Variants in CEP83 observed in about 807,000 individuals in gnomAD.
CEP83 encodes the protein centrosomal protein 83, also known as centrosomal protein of 83 kDa.
CEP83 carries 70 observed loss-of-function variants against 101.9 expected under a neutral mutation model. The ratio of observed to expected loss-of-function variants is 0.69; its 90% CI spans 0.57 to 0.84. The LOEUF is 0.84. CEP83 is among the 40% of genes least tolerant of loss of function. The probability of loss-of-function intolerance (pLI) is 0.00; values close to 1 mark genes in which losing one functional copy is unlikely to be tolerated. For missense variants in CEP83, 715 were observed against 787.2 expected, an observed-to-expected ratio of 0.91 and a Z score of 1.10; for synonymous variants, 264 against 267.9, an observed-to-expected ratio of 0.99 and a Z score of 0.14.
chr12:94,342,982 C>T lies in CEP83; in HGVS notation c.1344-7318G>A, dbSNP rs114084224. ...AGACTTTAATATATCATTCTTTGTACAAGACAAATCAAGTGGACAAAAAAT... is the reference window on the plus strand; with the variant it reads ...AGACTTTAATATATCATTCTTTGTATAAGACAAATCAAGTGGACAAAAAAT... On this transcript the variant is annotated intron_variant, in intron 11 of 16. Coordinates refer to ENST00000397809, the MANE Select transcript of CEP83 (RefSeq NM_016122.3). 2.3e-3 allele frequency among the ~76,000 whole-genome samples: 344 copies of T among 151,982 alleles called. 1 individual carries two copies. The highest frequency in any genetic ancestry group is 8.0e-3 in the African/African-American group (333 of 41,472).
At chr12:94,405,933 G>A (rs1311153058) in intron 4 of CEP83, among the ~76,000 whole-genome samples, 3 of 152,190 alleles carry the variant, frequency 2.0e-5, no homozygotes, top group Admixed American at 6.5e-5. Context: ...TAACACATGT[G>A]TGCAAGGAAA....
intron 11 of CEP83, among the ~76,000 whole-genome samples, chr12:94,366,973 G>GA (rs2061056720): frequency 6.6e-6 from 1 of 151,942 alleles, no homozygotes. Flanking sequence ...ATAATCTATA[G>GA]AAAAAATATG....
chr12:94,436,825 T>TA (rs2066022716), intron 1 of CEP83, among the ~76,000 whole-genome samples: 1 of 99,548 alleles, frequency 1.0e-5, no homozygotes, highest in South Asian at 3.0e-4. Flanking sequence ...AGACTCCATC[T>TA]CAAAAAAAAA....
chr12:94,319,927 G>C (rs970680053), intron 14 of CEP83, among the ~76,000 whole-genome samples: 1 of 152,068 alleles, frequency 6.6e-6, no homozygotes, highest in Admixed American at 6.6e-5. Context: ...CTTCCTCAAG[G>C]ATTTAATACT....
intron 11 of CEP83, among the ~76,000 whole-genome samples, chr12:94,348,764 G>A (rs2060063710): frequency 6.6e-6 from 1 of 152,142 alleles, no homozygotes; most frequent in Non-Finnish European, 1.5e-5. Context: ...AATGCCCGCA[G>A]CCGGCACTGA....
chr12:94,450,488 G>A (rs1250622218), intron 1 of CEP83, among the ~76,000 whole-genome samples: 1 of 152,154 alleles, frequency 6.6e-6, no homozygotes, highest in African/African-American at 2.4e-5. Flanking sequence ...TCCTGACCTC[G>A]TGATCCACCT....
intron 10 of CEP83, 52 bp downstream of exon 10, chr12:94,368,005 T>C (rs2061107129): frequency 2.5e-6 from 4 of 1,601,810 alleles, no homozygotes; most frequent in African/African-American, 2.7e-5. Flanking sequence ...GACAGCAAAA[T>C]GTTTTCATTT....
chr12:94,278,393 T>C, the CEP83 span, among the ~76,000 whole-genome samples: 1 of 152,240 alleles, frequency 6.6e-6, no homozygotes, highest in Non-Finnish European at 1.5e-5. Flanking sequence ...ATCTATTTGT[T>C]CTTAGACAAA....
chr12:94,379,068 A>G, intron 6 of CEP83, 26 bp from the exon 7 acceptor site: 1 of 1,544,574 alleles, frequency 6.5e-7, no homozygotes, highest in Non-Finnish European at 8.8e-7. Flanking sequence ...AAGAAAGCAT[A>G]CAAGGTTAAA....
intron 2 of CEP83, among the ~76,000 whole-genome samples, chr12:94,429,965 A>G (rs184099719): frequency 5.3e-5 from 8 of 152,326 alleles, no homozygotes; most frequent in African/African-American, 1.7e-4. Flanking sequence ...TGCAGCACAG[A>G]CACTGCCTCT....
In CEP83 at chr12:94,375,923, T is replaced by C. The variant is rs751492070; in HGVS notation, c.896A>G (p.His299Arg). The C allele has an allele frequency of 9.8e-6, 15 of 1,525,816 alleles. No homozygotes were observed. Among genetic ancestry groups the C allele is most frequent in the African/African-American group, 1.4e-5 (1 of 72,538 alleles). 94.5% of individuals were successfully genotyped at this position (1,525,816 alleles called of 1,614,324 possible). ...EQNTFLINKLHKAEREINTLS... is the reference protein window; with the variant it reads ...EQNTFLINKLRKAEREINTLS... ...TGTATTTATTTCTCGTTCAGCTTTA[T>C]GCAATTTATTAATTAAAAAGGTATT... The change falls in exon 8 of 17, where the codon CAT becomes CGT. Residue 299 changes from histidine (H) to arginine (R), a missense_variant. Transcript: ENST00000397809.
intron 10 of CEP83, 27 bp from the exon 11 acceptor site, chr12:94,367,970 A>G (rs755525354): frequency 9.9e-6 from 16 of 1,608,044 alleles, no homozygotes; most frequent in Non-Finnish European, 1.3e-5. Context: ...TAATTATGTT[A>G]CAAGAACTAT....
chr12:94,287,181 T>C, the CEP83 span, among the ~76,000 whole-genome samples: 1 of 152,258 alleles, frequency 6.6e-6, no homozygotes, highest in Non-Finnish European at 1.5e-5. Flanking sequence ...TCCAGTGTCA[T>C]TCTGTCCTGT....
At position 94,310,116 on chromosome 12, in the gene CEP83, G is replaced by A; in HGVS notation, c.1812-9C>T. ...CAAAAGGAACATTTTGTCTTAAAAA[G>A]AAAAAGAAATGTTTCTTTAACATGG... is the stretch of plus-strand genomic sequence containing the variant. On this transcript the variant is annotated splice_polypyrimidine_tract_variant and intron_variant, in intron 15 of 16. Coordinates refer to ENST00000397809, the MANE Select transcript of CEP83 (RefSeq NM_016122.3). The A allele has an allele frequency of 6.9e-7, 1 of 1,458,920 alleles. No individual in the cohort carries two copies. Among genetic ancestry groups the A allele is most frequent in the Non-Finnish European group, 9.5e-7 (1 of 1,058,108 alleles). 90.4% of individuals were successfully genotyped at this position (1,458,920 alleles called of 1,614,324 possible). A position where few individuals can be genotyped will look rare whatever the true frequency, so the allele number is the denominator to read the frequency against.
At chr12:94,309,151 T>C (rs1025041443) in intron 16 of CEP83, among the ~76,000 whole-genome samples, 2 of 152,136 alleles carry the variant, frequency 1.3e-5, no homozygotes, top group East Asian at 3.8e-4. Flanking sequence ...AGGTATAAAA[T>C]TCACCAGGGA....
intron 13 of CEP83, among the ~76,000 whole-genome samples, chr12:94,332,825 CAGA>C (rs2059281430): frequency 6.6e-6 from 1 of 151,736 alleles, no homozygotes; most frequent in Non-Finnish European, 1.5e-5. Context: ...TGGTGGCCTT[CAGA>C]AGAAGAAATT....
the CEP83 span, chr12:94,282,551 G>C: frequency 1.6e-6 from 1 of 610,310 alleles, no homozygotes; most frequent in East Asian, 2.8e-5. Context: ...TTCGTTGCTT[G>C]TGCAGACAAG....
At chr12:94,390,070 C>T (rs1349122351) in intron 6 of CEP83, among the ~76,000 whole-genome samples, 9 of 152,218 alleles carry the variant, frequency 5.9e-5, no homozygotes, top group Non-Finnish European at 1.0e-4. Context: ...AGACAACTTC[C>T]GCAAACTTAA....
chr12:94,308,656 C>G lies in CEP83; in HGVS notation c.*157G>C. Reference sequence around the variant, plus strand: ...CACTTGTATAATCTTAAAATCCTGACAGTCATACAATACAGCATGTAGTAG... The same window carrying G: ...CACTTGTATAATCTTAAAATCCTGAGAGTCATACAATACAGCATGTAGTAG... On this transcript the variant is annotated 3_prime_UTR_variant, in exon 17 of 17. Coordinates refer to ENST00000397809, the MANE Select transcript of CEP83 (RefSeq NM_016122.3). 4.1e-6 allele frequency: 2 copies of G among 482,862 alleles called. No individual in the cohort carries two copies. The highest frequency in any genetic ancestry group is 6.5e-5 in the East Asian group (2 of 30,798). 29.9% of individuals were successfully genotyped at this position (482,862 alleles called of 1,614,324 possible). A position where few individuals can be genotyped will look rare whatever the true frequency, so the allele number is the denominator to read the frequency against.
Sources: gnomAD v4.1 joint callset for allele counts (sites outside exome capture counted in the v4.1 genomes callset) on GRCh38, gnomAD v4.1.1 for gene constraint, MANE v1.5 for transcripts, NCBI Gene and HGNC (gene_info 2026-07-23, HGNC 2026-07-21) for gene names.